CADPS2: variants seen among roughly 807,000 people sequenced by gnomAD.
CADPS2 encodes the protein calcium-dependent secretion activator 2.
A neutral mutation model predicts 172.5 loss-of-function variants in CADPS2; 93 were observed. The ratio of observed to expected loss-of-function variants is 0.54; its 90% confidence interval spans 0.46 to 0.64. CADPS2 has a LOEUF of 0.64. Ranked by LOEUF, CADPS2 falls within the 30% of genes least tolerant of loss-of-function variation. The probability of loss-of-function intolerance (pLI) is 0.00; values close to 1 mark genes in which losing one functional copy is unlikely to be tolerated. For missense variants in CADPS2, 1,420 were observed against 1,565.9 expected (o/e 0.91, Z 1.57); for synonymous variants, 546 against 555.2 (o/e 0.98, Z 0.23).
At chr7:122,802,219 C>T (rs1033770900) in intron 1 of CADPS2, among the ~76,000 whole-genome samples, 2 of 152,188 alleles carry the variant, frequency 1.3e-5, no homozygotes, top group Non-Finnish European at 2.9e-5. Flanking sequence ...GATTACCCTA[C>T]AAATGCACCC....
chr7:122,488,906 G>T (rs2058065070), intron 11 of CADPS2, among the ~76,000 whole-genome samples: 1 of 152,106 alleles, frequency 6.6e-6, no homozygotes, highest in Non-Finnish European at 1.5e-5. Flanking sequence ...TATCTGCTGT[G>T]CCATACTCTA....
intron 2 of CADPS2, among the ~76,000 whole-genome samples, chr7:122,732,335 C>T (rs1440705278): frequency 2.1e-5 from 3 of 145,366 alleles, no homozygotes; most frequent in Non-Finnish European, 4.6e-5. Flanking sequence ...AGACAGAAAA[C>T]TTTTTTTTTT....
intron 28 of CADPS2, among the ~76,000 whole-genome samples, chr7:122,341,323 C>T (rs1045315919): frequency 2.6e-5 from 4 of 152,142 alleles, no homozygotes; most frequent in African/African-American, 9.7e-5. Flanking sequence ...TACTGAAGTA[C>T]AAGACCCTTT....
intron 3 of CADPS2, among the ~76,000 whole-genome samples, chr7:122,637,325 T>C (rs1157706333): frequency 6.6e-6 from 1 of 151,440 alleles, no homozygotes; most frequent in African/African-American, 2.4e-5. Flanking sequence ...TCCCAAGTAG[T>C]TGGGACTACA....
chr7:122,664,576 T>A (rs1310405776), intron 2 of CADPS2, among the ~76,000 whole-genome samples: 2 of 152,146 alleles, frequency 1.3e-5, no homozygotes, highest in Non-Finnish European at 2.9e-5. Flanking sequence ...AAGTTATGTA[T>A]CTAAGTATCA....
chr7:122,656,558 T>C (rs1033087746), intron 3 of CADPS2, among the ~76,000 whole-genome samples: 5 of 152,130 alleles, frequency 3.3e-5, no homozygotes, highest in South Asian at 2.1e-4. Context: ...GAAACACTTA[T>C]GAAGGTTACA....
At chr7:122,727,990 C>G (rs1326005017) in intron 2 of CADPS2, among the ~76,000 whole-genome samples, 1 of 151,812 alleles carries the variant, frequency 6.6e-6, no homozygotes, top group Non-Finnish European at 1.5e-5. Context: ...TTTTTATCTC[C>G]TCTTGCCACA....
At chr7:122,372,535 T>C (rs966713463) in intron 25 of CADPS2, among the ~76,000 whole-genome samples, 1 of 152,192 alleles carries the variant, frequency 6.6e-6, no homozygotes, top group African/African-American at 2.4e-5. Context: ...GAAGAGGATC[T>C]AAAGGTAGCC....
intron 8 of CADPS2, among the ~76,000 whole-genome samples, chr7:122,524,197 A>G (rs900397885): frequency 9.2e-5 from 14 of 152,218 alleles, no homozygotes; most frequent in Non-Finnish European, 4.4e-5. Flanking sequence ...TGACTAATAA[A>G]AATACATTCT....
At chr7:122,733,336 T>C (rs555298207) in intron 2 of CADPS2, among the ~76,000 whole-genome samples, 1 of 152,072 alleles carries the variant, frequency 6.6e-6, no homozygotes, top group South Asian at 2.1e-4. Context: ...AGTACTGCAA[T>C]ACCCATTCAC....
In CADPS2 at chr7:122,621,679, C is replaced by G. The variant is rs1180923730; in HGVS notation, c.906G>C (p.Glu302Asp). 1 of 1,599,386 alleles carries G rather than the reference C, an allele frequency of 6.3e-7. No homozygotes were observed. The highest frequency in any genetic ancestry group is 1.8e-5 in the Admixed American group (1 of 57,056). The stretch of plus-strand genomic sequence containing the variant: ...ACCGCAACTCTTCTATATACATATT[C>G]TCCATATCTTTTGCTATAAATTTGG... ...KFPKFIAKDM[E>D]NMYIEELRSS... The change falls in exon 5 of 30, where the codon GAG becomes GAC. Residue 302 changes from glutamate to aspartate, a missense_variant. Physicochemically the swap from Glu to Asp is conservative, Grantham distance 45. Transcript: ENST00000449022.
At chr7:122,481,219 G>A (rs2057268391) in intron 11 of CADPS2, among the ~76,000 whole-genome samples, 1 of 144,866 alleles carries the variant, frequency 6.9e-6, no homozygotes, top group East Asian at 2.0e-4. Context: ...AGGCTGGAGT[G>A]CAGTGGTGCG....
chr7:122,555,710 T>C (rs2064954048), intron 7 of CADPS2, among the ~76,000 whole-genome samples: 1 of 152,130 alleles, frequency 6.6e-6, no homozygotes, highest in Non-Finnish European at 1.5e-5. Flanking sequence ...GTAATACTGT[T>C]ATAATTTTAC....
chr7:122,501,340 A>T (rs35574664), intron 9 of CADPS2, among the ~76,000 whole-genome samples: 8,039 of 152,250 alleles, frequency 0.053, 270 homozygotes, highest in Non-Finnish European at 0.055. Context: ...TTACATTTGG[A>T]AATTTAAAAC....
At chr7:122,781,057 C>T (rs904845479) in intron 1 of CADPS2, among the ~76,000 whole-genome samples, 3 of 152,130 alleles carry the variant, frequency 2.0e-5, no homozygotes, top group Non-Finnish European at 4.4e-5. Context: ...TTTCTTACCA[C>T]ACTCATGATT....
At chr7:122,526,260 C>T (rs982606558) in intron 8 of CADPS2, among the ~76,000 whole-genome samples, 4 of 151,998 alleles carry the variant, frequency 2.6e-5, no homozygotes, top group South Asian at 2.1e-4. Flanking sequence ...GGCATAATCT[C>T]GGCTCACTGC....
intron 2 of CADPS2, among the ~76,000 whole-genome samples, chr7:122,686,929 T>C (rs1001723895): frequency 5.3e-5 from 8 of 152,144 alleles, no homozygotes; most frequent in Non-Finnish European, 8.8e-5. Context: ...GGGTCATCTG[T>C]CTGCCTCAGC....
At chr7:122,572,031 A>G (rs1310396104) in intron 7 of CADPS2, among the ~76,000 whole-genome samples, 6 of 152,182 alleles carry the variant, frequency 3.9e-5, no homozygotes, top group Non-Finnish European at 5.9e-5. Context: ...TGCCAGCATT[A>G]TATATCTACA....
At chr7:122,724,295 T>C (rs2090849818) in intron 2 of CADPS2, among the ~76,000 whole-genome samples, 1 of 152,012 alleles carries the variant, frequency 6.6e-6, no homozygotes, top group Non-Finnish European at 1.5e-5. Context: ...TTCCAGGGCA[T>C]AGGGCAATAC....
Sources: gnomAD v4.1 joint callset for allele counts (sites outside exome capture counted in the v4.1 genomes callset) on GRCh38, gnomAD v4.1.1 for gene constraint, MANE v1.5 for transcripts, NCBI Gene and HGNC (gene_info 2026-07-23, HGNC 2026-07-21) for gene names.